The following SMG7 variants were observed in gnomAD, a reference collection of about 807,000 sequenced individuals.
SMG7 encodes SMG7 nonsense mediated mRNA decay factor, also known as nonsense-mediated mRNA decay factor SMG7.
Under a neutral mutation model 148.2 loss-of-function variants are expected in SMG7, and 34 were observed. The observed-to-expected ratio is 0.23, with a 90% confidence interval of 0.17 to 0.31. The LOEUF is 0.31. Among genes scored for constraint, SMG7 ranks in the 10% least tolerant of loss-of-function variants. SMG7 has a pLI of 1.00. For missense variants in SMG7, 1,114 were observed against 1,408.4 expected (o/e 0.79, Z 3.35); for synonymous variants, 492 against 515.1 (o/e 0.96, Z 0.61).
Position 183,546,386 on chromosome 1 carries a change from T to C in SMG7, c.2742+49T>C, listed in dbSNP as rs199947779. On this transcript the variant is annotated intron_variant, in intron 17 of 22. Transcript: ENST00000688051. ...GGCAATTTGGAGATAGGTCTGAGGTTGACTGTCTTTTGAATATCTCAAATA... is the reference window on the plus strand; with the variant it reads ...GGCAATTTGGAGATAGGTCTGAGGTCGACTGTCTTTTGAATATCTCAAATA... 9.6e-5 allele frequency: 149 copies of C among 1,554,194 alleles called. No individual in the cohort carries two copies. In the African/African-American group the frequency reaches 1.9e-3, roughly 20 times the overall value.
chr1:183,485,693 A>C (rs1655269930), intron 1 of SMG7, among the ~76,000 whole-genome samples: 1 of 152,226 alleles, frequency 6.6e-6, no homozygotes, highest in African/African-American at 2.4e-5. Context: ...ACTTCACTGC[A>C]GAAGATTTGG....
rs576882543 is a variant in SMG7, at chr1:183,493,222, G to A, written c.30-19615G>A. Among the ~76,000 whole-genome samples, 21 of 152,208 alleles carry A rather than the reference G, an allele frequency of 1.4e-4. 1 individual carries two copies. In the South Asian group the frequency reaches 3.7e-3, roughly 27 times the overall value. ...ACTCTTGGCCTCAAGCGATCCCCTGGCCTCAGCCTCCCAAAGTGTTGAGAT... is the reference window on the plus strand; with the variant it reads ...ACTCTTGGCCTCAAGCGATCCCCTGACCTCAGCCTCCCAAAGTGTTGAGAT... On this transcript the variant is annotated intron_variant, in intron 1 of 22. Transcript: ENST00000688051.
chr1:183,549,439 G>A (rs1670570797), intron 19 of SMG7, 151 bp downstream of exon 19: 1 of 645,578 alleles, frequency 1.5e-6, no homozygotes, highest in Non-Finnish European at 2.7e-6. Context: ...TCTCTGATTG[G>A]GGCATACTAG....
chr1:183,518,000 T>C (rs1416508290), intron 4 of SMG7, among the ~76,000 whole-genome samples, 180 bp downstream of exon 4: 1 of 152,074 alleles, frequency 6.6e-6, no homozygotes, highest in East Asian at 1.9e-4. Context: ...CAGGCTGGAG[T>C]GTAGTGGTGC....
At chr1:183,537,119 GTC>G (rs1003954347) in intron 10 of SMG7, 24 bp from the exon 11 acceptor site, 2 of 1,554,660 alleles carry the variant, frequency 1.3e-6, no homozygotes, top group Non-Finnish European at 1.8e-6. Context: ...TAAAAATAAA[GTC>G]TGAACTCTTT....
rs1379482540 is a variant in SMG7 at position 183,552,088 on chromosome 1, AAATGTTC to A, written c.*158_*164del. 4 of 1,320,732 alleles carry A rather than the reference AAATGTTC, an allele frequency of 3.0e-6. No homozygotes were observed. The African/African-American group carries it at 6.0e-5, about 20-fold the overall frequency. The allele number at this position is 1,320,732 out of a possible 1,614,324, so 81.8% of individuals were successfully genotyped here. On this transcript the variant is annotated 3_prime_UTR_variant, in exon 23 of 23. Transcript: ENST00000688051. ...TCCACCAGCCCGCTGAGTGTGCACG[AAATGTTC>A]GCAGTGCAACAAAAAGAAAAATCCA... is the stretch of plus-strand genomic sequence containing the variant.
chr1:183,480,740 G>A (rs186935863), intron 1 of SMG7, among the ~76,000 whole-genome samples: 2 of 152,106 alleles, frequency 1.3e-5, no homozygotes, highest in East Asian at 1.9e-4. Context: ...GCTCTGTTGC[G>A]TTTAGCATCA....
chr1:183,547,134 A>T lies in SMG7; in HGVS notation c.2774A>T (p.Asp925Val), dbSNP rs1297415765. 1 of 1,550,354 alleles carries T rather than the reference A, an allele frequency of 6.5e-7. No homozygotes were observed. The highest frequency in any genetic ancestry group is 2.4e-5 in the East Asian group (1 of 40,918). ...AAGAGCTCCCCTCTGCTTCCTCCGG[A>T]CCTGTTAAAGAGTCTGGCTGCCTTG... is the stretch of plus-strand genomic sequence containing the variant. ...DPKSSPLLPP[D>V]LLKSLAALEE... The change falls in exon 18 of 23, where the codon GAC becomes GTC. Residue 925 changes from aspartate to valine, a missense_variant. Physicochemically the swap from Asp to Val is radical, Grantham distance 152. Coordinates refer to ENST00000688051, the MANE Select transcript of SMG7 (RefSeq NM_001375584.1).
chr1:183,542,098 G>A lies in SMG7; in HGVS notation c.1438G>A (p.Val480Ile). The change falls in exon 14 of 23, where the codon GTA becomes ATA. Residue 480 changes from valine to isoleucine, a missense_variant. Physicochemically the swap from Val to Ile is conservative, Grantham distance 29 (BLOSUM62 3). Coordinates refer to ENST00000688051, the MANE Select transcript of SMG7 (RefSeq NM_001375584.1). ...QPRLIQCENEVGKLLFITEIP... is the reference protein window; with the variant it reads ...QPRLIQCENEIGKLLFITEIP... ...TAGGCTGATTCAGTGTGAAAATGAG[G>A]TAGGGAAATTGTTGTTTATCACAGA... is the stretch of plus-strand genomic sequence containing the variant. 1 of 1,611,986 alleles carries A rather than the reference G, an allele frequency of 6.2e-7. No individual in the cohort carries two copies. Among genetic ancestry groups the A allele is most frequent in the Non-Finnish European group, 8.5e-7 (1 of 1,178,568 alleles).
intron 16 of SMG7, 131 bp from the exon 17 acceptor site, chr1:183,545,835 A>G: frequency 9.7e-7 from 1 of 1,026,494 alleles, no homozygotes; most frequent in Non-Finnish European, 1.4e-6. Context: ...CAAAAGGTAA[A>G]GGAAACTGCT....
intron 8 of SMG7, among the ~76,000 whole-genome samples, chr1:183,530,382 A>G (rs1481073261): frequency 6.6e-6 from 1 of 152,136 alleles, no homozygotes; most frequent in African/African-American, 2.4e-5. Flanking sequence ...TAGTTTTTAC[A>G]GGTAATCGCT....
rs150044847 is a variant in SMG7 at position 183,533,258 on chromosome 1, A to G, written c.938A>G (p.Asn313Ser). 4.2e-5 allele frequency: 68 copies of G among 1,614,014 alleles called. No homozygotes were observed. The highest frequency in any genetic ancestry group is 3.5e-4 in the Admixed American group (21 of 60,024). Residue 313 changes from asparagine (N) to serine (S), a missense_variant, in exon 9 of 23, where the codon AAT becomes AGT. Asn to Ser is a conservative substitution (Grantham distance 46). Transcript: ENST00000688051. ...FQLHHLRDFSNETEQHTYSQD... is the reference protein window; with the variant it reads ...FQLHHLRDFSSETEQHTYSQD... The stretch of plus-strand genomic sequence containing the variant: ...CTTCATCACCTTCGTGACTTTAGCA[A>G]TGAAACCGAGCAGCACACTTATAGC...
At chr1:183,512,153 G>C (rs1442750842) in intron 1 of SMG7, among the ~76,000 whole-genome samples, 3 of 152,128 alleles carry the variant, frequency 2.0e-5, no homozygotes, top group Non-Finnish European at 4.4e-5. Flanking sequence ...TGAAGAGAAG[G>C]AAAGATCCAA....
rs1276973416 is a variant in SMG7, at chr1:183,538,376, T to G, written c.1235-4T>G. 1 of 1,611,396 alleles carries G rather than the reference T, an allele frequency of 6.2e-7. No homozygotes were observed. The highest frequency in any genetic ancestry group is 1.3e-5 in the African/African-American group (1 of 74,882). On this transcript the variant is annotated splice_region_variant and splice_polypyrimidine_tract_variant and intron_variant, in intron 11 of 22. Transcript: ENST00000688051. ...GTTTGCAAATTTTGATTTTGACCCT[T>G]TAGCGACACCACTTCCAGAGGAGTT...
intron 1 of SMG7, among the ~76,000 whole-genome samples, chr1:183,475,885 AAATG>A (rs1278235350): frequency 1.3e-5 from 2 of 152,218 alleles, no homozygotes; most frequent in Non-Finnish European, 2.9e-5. Flanking sequence ...GGGAGAAAAA[AAATG>A]AATACAATGA....
Position 183,552,808 on chromosome 1 carries a change from C to T in SMG7, c.*877C>T, listed in dbSNP as rs543567772. ...AGGCTAGTCCATTCACAGCCTGACACGTTCTAATAGGTAGAAGCTTTCAGT... is the reference window on the plus strand; with the variant it reads ...AGGCTAGTCCATTCACAGCCTGACATGTTCTAATAGGTAGAAGCTTTCAGT... On this transcript the variant is annotated 3_prime_UTR_variant, in exon 23 of 23. Transcript: ENST00000688051. 9.1e-6 allele frequency: 13 copies of T among 1,423,836 alleles called. No individual in the cohort carries two copies. The highest frequency in any genetic ancestry group is 7.6e-5 in the East Asian group (3 of 39,604). The allele number at this position is 1,423,836 out of a possible 1,614,324, so 88.2% of individuals were successfully genotyped here. A position where few individuals can be genotyped will look rare whatever the true frequency, so the allele number is the denominator to read the frequency against.
chr1:183,479,474 T>C (rs551073629), intron 1 of SMG7, among the ~76,000 whole-genome samples: 4 of 152,284 alleles, frequency 2.6e-5, no homozygotes, highest in African/African-American at 9.6e-5. Flanking sequence ...TTAGAAAATA[T>C]ATGTAGTAAA....
chr1:183,474,791 C>G (rs778151939), intron 1 of SMG7, among the ~76,000 whole-genome samples: 1 of 152,174 alleles, frequency 6.6e-6, no homozygotes, highest in Non-Finnish European at 1.5e-5. Context: ...ACAGAGCTTA[C>G]ACTTTGTTAG....
intron 1 of SMG7, among the ~76,000 whole-genome samples, chr1:183,486,828 G>A (rs971443789): frequency 6.6e-6 from 1 of 152,170 alleles, no homozygotes; most frequent in Non-Finnish European, 1.5e-5. Context: ...CTCCTGAGTA[G>A]CTAGGACTAC....
Sources: allele counts gnomAD v4.1 joint callset (sites outside exome capture counted in the v4.1 genomes callset), GRCh38; gene constraint gnomAD v4.1.1; transcripts MANE v1.5; gene names NCBI Gene and HGNC (gene_info 2026-07-23, HGNC 2026-07-21).